The following SP140L variants were observed in gnomAD, a reference collection of about 807,000 sequenced individuals.
SP140L encodes the protein nuclear body protein SP140-like protein.
A neutral mutation model predicts 84.3 loss-of-function variants in SP140L; 64 were observed. That is an observed-to-expected ratio of 0.76 (90% CI 0.62 to 0.94). The LOEUF (loss-of-function observed/expected upper bound fraction) is 0.94, where lower values mean the gene tolerates loss of function less well. Ranked by LOEUF, SP140L falls within the 40% of genes least tolerant of loss-of-function variation. The pLI, the probability that SP140L is intolerant of heterozygous loss-of-function variation, is 0.00. For missense variants in SP140L, 628 were observed against 692.5 expected, an observed-to-expected ratio of 0.91 and a Z score of 1.05; for synonymous variants, 242 against 236.9, an observed-to-expected ratio of 1.02 and a Z score of -0.20.
intron 5 of SP140L, among the ~76,000 whole-genome samples, chr2:230,370,134 T>C (rs2061016039): frequency 6.6e-6 from 1 of 152,202 alleles, no homozygotes; most frequent in Non-Finnish European, 1.5e-5. Context: ...TTTAATTTTT[T>C]CTATTTTACT....
intron 10 of SP140L, 128 bp downstream of exon 10, chr2:230,388,761 A>G (rs2061689340): frequency 2.6e-6 from 2 of 778,942 alleles, no homozygotes; most frequent in African/African-American, 1.8e-5. Context: ...ATTGAAAAAC[A>G]TATCTTATTA....
At chr2:230,360,155 A>G (rs2060671695) in intron 4 of SP140L, among the ~76,000 whole-genome samples, 1 of 152,226 alleles carries the variant, frequency 6.6e-6, no homozygotes. Flanking sequence ...ATCACAAGAA[A>G]AACAGGGACA....
rs900029293 is a variant in SP140L at position 230,341,398 on chromosome 2, T to G, written c.107+12567T>G. 4.1e-4 allele frequency among the ~76,000 whole-genome samples: 38 copies of G among 93,368 alleles called. 1 individual carries two copies. Among genetic ancestry groups the G allele is most frequent in the Non-Finnish European group, 2.0e-4 (10 of 50,740 alleles). 61.3% of individuals were successfully genotyped at this position (93,368 alleles called of 152,430 possible). A position where few individuals can be genotyped will look rare whatever the true frequency, so the allele number is the denominator to read the frequency against. On this transcript the variant is annotated intron_variant, in intron 2 of 18. Coordinates refer to ENST00000415673, the MANE Select transcript of SP140L (RefSeq NM_138402.6). ...TATTCTAGTTATACATTCTTCTAAA[T>G]TTTTTTCAAAGTTTTCAACTTCTTT...
rs764395045 is a variant in SP140L, at chr2:230,370,880, A to T, written c.524-28A>T. 1.3e-5 allele frequency: 21 copies of T among 1,610,094 alleles called. No homozygotes were observed. The South Asian group carries it at 2.1e-4, about 16-fold the overall frequency. On this transcript the variant is annotated intron_variant, in intron 5 of 18. Coordinates refer to ENST00000415673, the MANE Select transcript of SP140L (RefSeq NM_138402.6). Reference sequence around the variant, plus strand: ...AGAGCGACCAGCATGTGAAAATGAGAAGTGTTCCTATGTCATGTGTTTCTC... The same window carrying T: ...AGAGCGACCAGCATGTGAAAATGAGTAGTGTTCCTATGTCATGTGTTTCTC...
In SP140L at chr2:230,360,862, C is replaced by A. The variant is rs368537180; in HGVS notation, c.440-752C>A. On this transcript the variant is annotated intron_variant, in intron 4 of 18. Transcript: ENST00000415673. ...CTGTTATGTTTATCTGGGAACTGTT[C>A]ATCCTCCCTGACCCAATTAAGCCAA... Among the ~76,000 whole-genome samples, 8 of 152,310 alleles carry A rather than the reference C, an allele frequency of 5.3e-5. No homozygotes were observed. The South Asian group carries it at 1.0e-3, about 20-fold the overall frequency.
intron 7 of SP140L, among the ~76,000 whole-genome samples, chr2:230,377,782 G>A (rs912283781): frequency 2.6e-5 from 4 of 152,100 alleles, no homozygotes; most frequent in African/African-American, 9.7e-5. Context: ...GCTTCTCATT[G>A]CTCCACATAC....
At chr2:230,388,858 A>G (rs2149804408) in intron 10 of SP140L, 1 of 392,444 alleles carries the variant, frequency 2.5e-6, no homozygotes, top group South Asian at 4.3e-5. Flanking sequence ...GGGGGTCACT[A>G]AAGTGCTACT....
chr2:230,358,824 T>C, intron 3 of SP140L, 140 bp from the exon 4 acceptor site: 1 of 663,984 alleles, frequency 1.5e-6, no homozygotes, highest in South Asian at 2.6e-5. Flanking sequence ...GCTATACAAA[T>C]ATGTAAAAAT....
chr2:230,400,307 T>C, intron 15 of SP140L, 65 bp downstream of exon 15: 1 of 1,490,932 alleles, frequency 6.7e-7, no homozygotes, highest in South Asian at 1.2e-5. Flanking sequence ...ATGCGCACTC[T>C]CCAGCAGAAT....
At chr2:230,369,338 C>CAG (rs1397026034) in intron 5 of SP140L, among the ~76,000 whole-genome samples, 2 of 151,894 alleles carry the variant, frequency 1.3e-5, no homozygotes, top group African/African-American at 4.8e-5. Context: ...GACTGAAGGC[C>CAG]AGAGCCACTG....
chr2:230,354,865 G>GAAAGA (rs1455142060), intron 2 of SP140L, among the ~76,000 whole-genome samples: 1 of 107,032 alleles, frequency 9.3e-6, no homozygotes, highest in African/African-American at 3.5e-5. Context: ...AAGAAAGAAA[G>GAAAGA]AAAGAAAGAA....
chr2:230,372,744 A>AAG (rs2061125495), intron 7 of SP140L: 2 of 130,442 alleles, frequency 1.5e-5, no homozygotes, highest in African/African-American at 5.6e-5. Context: ...AAAAAAAAAA[A>AAG]AAAGAAAGAG....
rs113980839 is a variant in SP140L at position 230,350,866 on chromosome 2, A to C, written c.108-6939A>C. Among the ~76,000 whole-genome samples, 926 of 152,304 alleles carry C rather than the reference A, an allele frequency of 6.1e-3. 15 individuals carry two copies. Among genetic ancestry groups the C allele is most frequent in the African/African-American group, 0.02 (848 of 41,544 alleles). Reference sequence around the variant, plus strand: ...GGAAATTAGTTCACTGCATAGATACATATATCTATGCTAGGCAGAAGAAAC... The same window carrying C: ...GGAAATTAGTTCACTGCATAGATACCTATATCTATGCTAGGCAGAAGAAAC... On this transcript the variant is annotated intron_variant, in intron 2 of 18. Coordinates refer to ENST00000415673, the MANE Select transcript of SP140L (RefSeq NM_138402.6).
chr2:230,327,343 G>A (rs2059608132), intron 1 of SP140L, 42 bp downstream of exon 1: 1 of 1,594,576 alleles, frequency 6.3e-7, no homozygotes, highest in Non-Finnish European at 8.5e-7. Flanking sequence ...ATCTCTGGCA[G>A]TATTGGAGCT....
intron 2 of SP140L, among the ~76,000 whole-genome samples, chr2:230,357,146 A>C (rs1315007001): frequency 1.3e-5 from 2 of 152,224 alleles, no homozygotes; most frequent in Non-Finnish European, 2.9e-5. Flanking sequence ...TCTGAAATTC[A>C]GATGCCTAAA....
chr2:230,366,718 A>G (rs1053286310), intron 5 of SP140L, among the ~76,000 whole-genome samples: 5 of 116,154 alleles, frequency 4.3e-5, no homozygotes, highest in African/African-American at 1.5e-4. Context: ...ATCTATTATT[A>G]TTATTATTAT....
intron 2 of SP140L, among the ~76,000 whole-genome samples, chr2:230,350,917 G>C (rs1051271582): frequency 1.3e-5 from 2 of 152,142 alleles, no homozygotes; most frequent in African/African-American, 2.4e-5. Context: ...CCTAAGGCTA[G>C]AGTATGTCTG....
chr2:230,391,855 C>T, intron 11 of SP140L: 1 of 470,114 alleles, frequency 2.1e-6, no homozygotes, highest in Admixed American at 3.3e-5. Flanking sequence ...TGATAACCAT[C>T]ACTCTCCTCA....
At position 230,393,441 on chromosome 2, in the gene SP140L, A is replaced by G. The variant is rs2061909704; in HGVS notation, c.1135A>G (p.Ile379Val). The G allele has an allele frequency of 6.3e-7, 1 of 1,581,556 alleles. No homozygotes were observed. The highest frequency in any genetic ancestry group is 8.6e-7 in the Non-Finnish European group (1 of 1,166,054). Residue 379 changes from isoleucine (I) to valine (V), a missense_variant, in exon 13 of 19, where the codon ATA becomes GTA. Transcript: ENST00000415673. Reference protein sequence around the residue: ...EEGSLPNPPRIYYRNKKRILK... With the variant: ...EEGSLPNPPRVYYRNKKRILK... Reference sequence around the variant, plus strand: ...AGGATCTCTACCTAATCCTCCAAGAATATATTACAGGAACAAAAAGGTGAT... The same window carrying G: ...AGGATCTCTACCTAATCCTCCAAGAGTATATTACAGGAACAAAAAGGTGAT...
Sources: gnomAD v4.1 joint callset for allele counts (sites outside exome capture counted in the v4.1 genomes callset) on GRCh38, gnomAD v4.1.1 for gene constraint, MANE v1.5 for transcripts, NCBI Gene and HGNC (gene_info 2026-07-23, HGNC 2026-07-21) for gene names.